SNTG1: variants seen among roughly 807,000 people sequenced by gnomAD.
SNTG1 encodes gamma-1-syntrophin.
In SNTG1, 39 loss-of-function variants were observed where a neutral mutation model predicts 74.7. The observed-to-expected ratio is 0.52, with a 90% CI of 0.40 to 0.68. The LOEUF is 0.68. Among genes scored for constraint, SNTG1 ranks in the 30% least tolerant of loss-of-function variants. SNTG1 has a pLI of 0.00. For synonymous variants in SNTG1, 254 were observed against 217.1 expected, an observed-to-expected ratio of 1.17 and a Z score of -1.49; for missense variants, 685 against 609.5, an observed-to-expected ratio of 1.12 and a Z score of -1.30.
At chr8:50,212,256 C>T (rs1452490766) in intron 2 of SNTG1, among the ~76,000 whole-genome samples, 5 of 152,116 alleles carry the variant, frequency 3.3e-5, no homozygotes, top group Non-Finnish European at 5.9e-5. Flanking sequence ...ACGTTTCTTT[C>T]CTGTGTTCAT....
At position 50,751,979 on chromosome 8, in the gene SNTG1, TTG is replaced by T; in HGVS notation, c.1285-20_1285-19del. ...CAGATATTAATTCCACCGACTTACA[TTG>T]TTTTTTTTCCCCCCTTTAGGCTGTC... On this transcript the variant is annotated intron_variant, in intron 17 of 18. Transcript: ENST00000642720. 7.3e-7 allele frequency: 1 copy of T among 1,366,596 alleles called. No homozygotes were observed. The highest frequency in any genetic ancestry group is 9.7e-7 in the Non-Finnish European group (1 of 1,030,066). The allele number at this position is 1,366,596 out of a possible 1,614,324, so 84.7% of individuals were successfully genotyped here.
At chr8:50,652,834 A>G (rs1843008) in intron 13 of SNTG1, among the ~76,000 whole-genome samples, 31,901 of 151,742 alleles carry the variant, frequency 0.21, 3,708 homozygotes, top group African/African-American at 0.3. Flanking sequence ...AATAATAAAT[A>G]AATAAAAGGT....
At chr8:50,748,890 T>G (rs2095561046) in intron 17 of SNTG1, among the ~76,000 whole-genome samples, 1 of 152,026 alleles carries the variant, frequency 6.6e-6, no homozygotes, top group Non-Finnish European at 1.5e-5. Context: ...GGCCTCCCTA[T>G]TCCCACAGAC....
chr8:50,235,997 A>G (rs1240088294), intron 2 of SNTG1, among the ~76,000 whole-genome samples: 1 of 152,202 alleles, frequency 6.6e-6, no homozygotes, highest in African/African-American at 2.4e-5. Context: ...AAACCAACCT[A>G]AGATACTAAA....
At chr8:50,342,833 A>G (rs180919641) in intron 2 of SNTG1, among the ~76,000 whole-genome samples, 20 of 152,294 alleles carry the variant, frequency 1.3e-4, no homozygotes, top group Admixed American at 7.8e-4. Context: ...AAGTCCTAAC[A>G]TGTTAAAGTG....
intron 12 of SNTG1, among the ~76,000 whole-genome samples, chr8:50,586,298 T>C (rs187249096): frequency 6.6e-6 from 1 of 152,326 alleles, no homozygotes; most frequent in Admixed American, 6.5e-5. Context: ...TTAATGTCAT[T>C]ATTGATGTTT....
At chr8:50,008,008 A>C (rs970157892) in intron 1 of SNTG1, among the ~76,000 whole-genome samples, 1 of 152,086 alleles carries the variant, frequency 6.6e-6, no homozygotes, top group South Asian at 2.1e-4. Context: ...TGAGAGCGGC[A>C]TGGGGGATAC....
intron 1 of SNTG1, among the ~76,000 whole-genome samples, chr8:49,981,567 T>C (rs561888586): frequency 6.6e-6 from 1 of 152,338 alleles, no homozygotes; most frequent in Non-Finnish European, 1.5e-5. Context: ...TCCTGTATTA[T>C]GGTTACTTGT....
chr8:50,283,053 T>A (rs2088567917), intron 2 of SNTG1, among the ~76,000 whole-genome samples: 1 of 152,212 alleles, frequency 6.6e-6, no homozygotes, highest in African/African-American at 2.4e-5. Flanking sequence ...TTTACCGTAT[T>A]GCTCCAAGCT....
At chr8:50,216,227 C>A (rs2084785953) in intron 2 of SNTG1, among the ~76,000 whole-genome samples, 1 of 152,150 alleles carries the variant, frequency 6.6e-6, no homozygotes, top group South Asian at 2.1e-4. Context: ...TTGTAAATGA[C>A]CTTTTTACAT....
intron 1 of SNTG1, among the ~76,000 whole-genome samples, chr8:50,115,381 A>T (rs1448141998): frequency 6.6e-6 from 1 of 151,732 alleles, no homozygotes; most frequent in African/African-American, 2.4e-5. Context: ...AGCCTGGCTA[A>T]CATGGTGAAA....
intron 1 of SNTG1, among the ~76,000 whole-genome samples, chr8:49,993,860 A>G (rs939385175): frequency 1.3e-5 from 2 of 152,094 alleles, no homozygotes; most frequent in African/African-American, 4.8e-5. Context: ...TCTGGGATTT[A>G]TGTTGAAGAG....
At chr8:50,129,993 A>G (rs1415186801) in intron 1 of SNTG1, among the ~76,000 whole-genome samples, 2 of 152,120 alleles carry the variant, frequency 1.3e-5, no homozygotes, top group East Asian at 1.9e-4. Context: ...ACTTAAGGAC[A>G]TAAAATTCAA....
intron 1 of SNTG1, among the ~76,000 whole-genome samples, chr8:49,925,331 T>C (rs565292959): frequency 1.3e-5 from 2 of 152,326 alleles, no homozygotes; most frequent in East Asian, 3.9e-4. Context: ...TCTTACATAA[T>C]TGTAATACAA....
At chr8:50,423,914 T>G (rs193275302) in intron 4 of SNTG1, among the ~76,000 whole-genome samples, 1 of 152,148 alleles carries the variant, frequency 6.6e-6, no homozygotes, top group Middle Eastern at 3.2e-3. Flanking sequence ...TAACTTCAAA[T>G]GATGAAAGGC....
In SNTG1 at chr8:50,313,159, G is replaced by A. The variant is rs563757742; in HGVS notation, c.-27-81053G>A. 4.7e-5 allele frequency among the ~76,000 whole-genome samples: 7 copies of A among 149,700 alleles called. No homozygotes were observed. In the South Asian group the frequency reaches 1.3e-3, roughly 29 times the overall value. ...TTATCTCACCCCATATACAAGAATC[G>A]ACTAAAAATGGAGTATAGTCTGAAA... On this transcript the variant is annotated intron_variant, in intron 2 of 18. Coordinates refer to ENST00000642720, the MANE Select transcript of SNTG1 (RefSeq NM_018967.5).
chr8:50,144,493 A>G (rs1338217420), intron 1 of SNTG1, among the ~76,000 whole-genome samples: 2 of 152,240 alleles, frequency 1.3e-5, no homozygotes, highest in Non-Finnish European at 1.5e-5. Context: ...AAGAATTTCC[A>G]TGGGTTATAC....
At chr8:50,504,311 T>C (rs1299066063) in intron 9 of SNTG1, among the ~76,000 whole-genome samples, 1 of 152,202 alleles carries the variant, frequency 6.6e-6, no homozygotes, top group African/African-American at 2.4e-5. Context: ...AACATACACA[T>C]GCATGCGTCT....
Position 50,264,266 on chromosome 8 carries a change from T to C in SNTG1, c.-28+91631T>C, listed in dbSNP as rs148428269. The stretch of plus-strand genomic sequence containing the variant: ...TCTCAAATTAATAACCATAATTTTA[T>C]CTTAAGAAACCAGAAAATGCACTGG... On this transcript the variant is annotated intron_variant, in intron 2 of 18. Transcript: ENST00000642720. Among the ~76,000 whole-genome samples the C allele has an allele frequency of 6.3e-4, 96 of 152,222 alleles. 1 individual carries two copies. Among genetic ancestry groups the C allele is most frequent in the African/African-American group, 1.7e-3 (70 of 41,538 alleles).
Sources: gnomAD v4.1 joint callset for allele counts (sites outside exome capture counted in the v4.1 genomes callset) on GRCh38, gnomAD v4.1.1 for gene constraint, MANE v1.5 for transcripts, NCBI Gene and HGNC (gene_info 2026-07-23, HGNC 2026-07-21) for gene names.